SUGCT: variants seen among roughly 807,000 people sequenced by gnomAD.
SUGCT encodes succinyl-CoA:glutarate-CoA transferase.
Under a neutral mutation model 55.0 loss-of-function variants are expected in SUGCT, and 41 were observed. That is an observed-to-expected ratio of 0.74 (90% confidence interval 0.58 to 0.97). SUGCT has a LOEUF of 0.97. Ranked by LOEUF, SUGCT falls within the 50% of genes least tolerant of loss-of-function variation. The pLI, the probability that SUGCT is intolerant of heterozygous loss-of-function variation, is 0.00. For missense variants in SUGCT, 568 were observed against 547.8 expected (o/e 1.04, Z -0.37); for synonymous variants, 187 against 200.4 (o/e 0.93, Z 0.56).
chr7:40,541,000 G>A (rs1019191333), intron 12 of SUGCT, among the ~76,000 whole-genome samples: 2 of 152,078 alleles, frequency 1.3e-5, no homozygotes, highest in Non-Finnish European at 2.9e-5. Context: ...GTTGTTTCAG[G>A]TGCCATGGTA....
At chr7:40,435,862 G>C (rs1424495440) in intron 9 of SUGCT, among the ~76,000 whole-genome samples, 3 of 151,352 alleles carry the variant, frequency 2.0e-5, no homozygotes, top group African/African-American at 4.9e-5. Flanking sequence ...ACTACTGTGA[G>C]TTTCAAGACT....
At chr7:40,786,686 G>A (rs996964096) in intron 13 of SUGCT, among the ~76,000 whole-genome samples, 4 of 151,606 alleles carry the variant, frequency 2.6e-5, no homozygotes, top group Non-Finnish European at 5.9e-5. Flanking sequence ...GTATACAGGA[G>A]TGGTATTCAA....
In SUGCT at chr7:40,611,834, A is replaced by G. The variant is rs143768554; in HGVS notation, c.1089+115448A>G. Among the ~76,000 whole-genome samples the G allele has an allele frequency of 1.6e-3, 240 of 152,340 alleles. 1 individual carries two copies. Among genetic ancestry groups the G allele is most frequent in the African/African-American group, 5.3e-3 (221 of 41,576 alleles). On this transcript the variant is annotated intron_variant, in intron 12 of 13. Transcript: ENST00000335693. ...AGAAACTGAGACATAGACAGGTTAAAGAAGTTACCCAGGGTCACACAGCCA... is the reference window on the plus strand; with the variant it reads ...AGAAACTGAGACATAGACAGGTTAAGGAAGTTACCCAGGGTCACACAGCCA...
chr7:40,378,800 G>A (rs1387282698), intron 9 of SUGCT, among the ~76,000 whole-genome samples: 2 of 152,110 alleles, frequency 1.3e-5, no homozygotes, highest in African/African-American at 2.4e-5. Context: ...AGTTCTTTAG[G>A]ACATGCTTTT....
chr7:40,266,908 C>T (rs976716512), intron 7 of SUGCT, among the ~76,000 whole-genome samples: 2 of 151,794 alleles, frequency 1.3e-5, no homozygotes, highest in Admixed American at 6.6e-5. Flanking sequence ...CCAAGCTACT[C>T]GGGAGGCTGA....
intron 10 of SUGCT, among the ~76,000 whole-genome samples, chr7:40,454,620 A>AC (rs1391752606): frequency 6.6e-6 from 1 of 151,764 alleles, no homozygotes; most frequent in Admixed American, 6.6e-5. Flanking sequence ...CAGAGGGGGA[A>AC]AAAATGTATT....
the SUGCT span, among the ~76,000 whole-genome samples, chr7:40,877,449 G>A: frequency 6.6e-6 from 1 of 152,172 alleles, no homozygotes; most frequent in African/African-American, 2.4e-5. Flanking sequence ...ATAATGTACT[G>A]CAGGGAATTA....
Position 40,360,510 on chromosome 7 carries a change from G to T in SUGCT, c.816+43655G>T, listed in dbSNP as rs543673148. 4.5e-4 allele frequency among the ~76,000 whole-genome samples: 68 copies of T among 152,300 alleles called. 1 individual carries two copies. The highest frequency in any genetic ancestry group is 1.6e-3 in the African/African-American group (66 of 41,576). ...CAGTGAAGAACAAGCAATTGCCTCT[G>T]CCCCTAAGCAGTTCACTTGCACCTA... On this transcript the variant is annotated intron_variant, in intron 9 of 13. Transcript: ENST00000335693.
the SUGCT span, among the ~76,000 whole-genome samples, chr7:41,014,735 A>G: frequency 6.6e-6 from 1 of 152,234 alleles, no homozygotes. Flanking sequence ...ATGAAGCAAC[A>G]TAAGATCCCT....
At chr7:40,271,331 A>G (rs1379266800) in intron 7 of SUGCT, among the ~76,000 whole-genome samples, 1 of 152,008 alleles carries the variant, frequency 6.6e-6, no homozygotes, top group Non-Finnish European at 1.5e-5. Flanking sequence ...GGGTCTCACT[A>G]TGTTGTGCAG....
the SUGCT span, among the ~76,000 whole-genome samples, chr7:40,958,968 C>G: frequency 6.6e-6 from 1 of 152,138 alleles, no homozygotes; most frequent in Non-Finnish European, 1.5e-5. Context: ...CACTCCAGAC[C>G]CTGTTTGCCT....
At chr7:40,459,066 A>G (rs1789643535) in intron 10 of SUGCT, 35 bp from the exon 11 acceptor site, 2 of 1,445,662 alleles carry the variant, frequency 1.4e-6, no homozygotes, top group Non-Finnish European at 1.9e-6. Flanking sequence ...AGAACTACCT[A>G]TTTCTTATAC....
chr7:40,804,409 G>T (rs1790981034), intron 13 of SUGCT, among the ~76,000 whole-genome samples: 1 of 152,068 alleles, frequency 6.6e-6, no homozygotes, highest in South Asian at 2.1e-4. Flanking sequence ...ACACATAATA[G>T]ATGCTTAATA....
chr7:40,806,900 C>T (rs1791128021), intron 13 of SUGCT, among the ~76,000 whole-genome samples: 1 of 152,118 alleles, frequency 6.6e-6, no homozygotes, highest in Non-Finnish European at 1.5e-5. Flanking sequence ...CCATGCAGCT[C>T]CATGTGCACA....
the SUGCT span, among the ~76,000 whole-genome samples, chr7:40,921,470 CTGAA>C: frequency 1.3e-5 from 2 of 152,214 alleles, no homozygotes; most frequent in African/African-American, 4.8e-5. Context: ...CACCTTCGTA[CTGAA>C]GCAGGTCATC....
At chr7:40,431,005 C>A (rs1787864203) in intron 9 of SUGCT, among the ~76,000 whole-genome samples, 2 of 151,528 alleles carry the variant, frequency 1.3e-5, no homozygotes, top group South Asian at 4.2e-4. Flanking sequence ...GTAATCCCAG[C>A]TACACAGGAG....
chr7:41,031,852 G>A, the SUGCT span, among the ~76,000 whole-genome samples: 781 of 152,048 alleles, frequency 5.1e-3, 19 homozygotes, highest in Non-Finnish European at 1.5e-3. Context: ...CCCTTGTTGT[G>A]GCACTCTTCT....
chr7:40,266,339 G>A (rs1584507240), intron 7 of SUGCT, among the ~76,000 whole-genome samples: 1 of 151,614 alleles, frequency 6.6e-6, no homozygotes, highest in South Asian at 2.1e-4. Flanking sequence ...AGTAGAGAGG[G>A]AGTTTCTCCA....
intron 12 of SUGCT, among the ~76,000 whole-genome samples, chr7:40,652,524 C>T (rs1006536527): frequency 1.3e-5 from 2 of 152,190 alleles, no homozygotes; most frequent in Non-Finnish European, 2.9e-5. Context: ...GGTTTTTGGT[C>T]TGTGTCTGAA....
Sources: allele counts gnomAD v4.1 joint callset (sites outside exome capture counted in the v4.1 genomes callset), GRCh38; gene constraint gnomAD v4.1.1; transcripts MANE v1.5; gene names NCBI Gene and HGNC (gene_info 2026-07-23, HGNC 2026-07-21).